TENM1: variants seen among roughly 807,000 people sequenced by gnomAD.
The protein encoded by TENM1 is teneurin transmembrane protein 1, also known as teneurin-1.
In TENM1, 35 loss-of-function variants were observed where a neutral mutation model predicts 174.8. That is an observed-to-expected ratio of 0.20 (90% CI 0.15 to 0.27). TENM1 has a LOEUF of 0.27. Among genes scored for constraint, TENM1 ranks in the 10% least tolerant of loss-of-function variants. The pLI is 1.00. For missense variants in TENM1, 1,633 were observed against 2,130.1 expected (o/e 0.77, Z 4.59); for synonymous variants, 781 against 798.7 (o/e 0.98, Z 0.37).
At chrX:124,430,714 T>C (rs761041175) in intron 23 of TENM1, among the ~76,000 whole-genome samples, 55 of 112,051 alleles carry the variant, frequency 4.9e-4, no homozygotes, top group South Asian at 7.5e-4. Context: ...CACCAGTCAT[T>C]TCCTCCTTGT....
intron 3 of TENM1, among the ~76,000 whole-genome samples, chrX:124,746,169 GT>G (rs1237781778): frequency 1.8e-5 from 2 of 111,847 alleles, no homozygotes; most frequent in African/African-American, 3.2e-5. Flanking sequence ...AAAATTTAAA[GT>G]TTGAATTCAA....
At chrX:124,811,683 A>C (rs1203123438) in intron 3 of TENM1, among the ~76,000 whole-genome samples, 2 of 110,432 alleles carry the variant, frequency 1.8e-5, no homozygotes, top group Non-Finnish European at 3.8e-5. Flanking sequence ...CAAGGGAAAT[A>C]AAATCAGTAT....
At chrX:124,527,814 A>AC (rs1280660030) in intron 16 of TENM1, among the ~76,000 whole-genome samples, 1 of 86,705 alleles carries the variant, frequency 1.2e-5, no homozygotes, top group Admixed American at 1.3e-4. Context: ...ACGCCCAGCT[A>AC]TTTTTTTTTT....
chrX:125,112,564 A>G, the TENM1 span, among the ~76,000 whole-genome samples: 3 of 111,554 alleles, frequency 2.7e-5, no homozygotes, highest in Admixed American at 2.9e-4. Context: ...TAAAAAGCTT[A>G]GAAAAAAAGA....
At chrX:124,483,167 C>T (rs887770711) in intron 21 of TENM1, among the ~76,000 whole-genome samples, 1 of 111,623 alleles carries the variant, frequency 9.0e-6, no homozygotes, top group African/African-American at 3.3e-5. Context: ...GTTAGCCAAG[C>T]CTTTCTTCTC....
At chrX:125,166,036 C>T in the TENM1 span, among the ~76,000 whole-genome samples, 3 of 111,182 alleles carry the variant, frequency 2.7e-5, no homozygotes, top group Non-Finnish European at 5.7e-5. Flanking sequence ...TTTTTACACC[C>T]TACTCGTTAG....
At chrX:124,395,258 A>G (rs1455220708) in intron 27 of TENM1, among the ~76,000 whole-genome samples, 1 of 111,588 alleles carries the variant, frequency 9.0e-6, no homozygotes, top group Non-Finnish European at 1.9e-5. Context: ...AACACTTTTT[A>G]ACATCTATTG....
At chrX:125,179,609 A>G in the TENM1 span, among the ~76,000 whole-genome samples, 21 of 111,312 alleles carry the variant, frequency 1.9e-4, no homozygotes, top group African/African-American at 6.9e-4. Context: ...CCCATATCTA[A>G]TAAGTGACCC....
At chrX:124,791,222 AT>A (rs2055172204) in intron 3 of TENM1, among the ~76,000 whole-genome samples, 1 of 111,983 alleles carries the variant, frequency 8.9e-6, no homozygotes, top group Non-Finnish European at 1.9e-5. Flanking sequence ...TATGCATTCT[AT>A]TTATAACGAT....
At chrX:124,536,405 G>T (rs2048207393) in intron 15 of TENM1, among the ~76,000 whole-genome samples, 1 of 111,657 alleles carries the variant, frequency 9.0e-6, no homozygotes, top group Admixed American at 9.5e-5. Context: ...ATTAAAAGCA[G>T]CTGGGAGCAT....
At chrX:124,680,823 T>C (rs1458441734) in intron 5 of TENM1, among the ~76,000 whole-genome samples, 1 of 111,001 alleles carries the variant, frequency 9.0e-6, no homozygotes, top group Non-Finnish European at 1.9e-5. Flanking sequence ...TCACTGCCAA[T>C]CACTTCTTCA....
chrX:125,038,564 TTC>T, the TENM1 span, among the ~76,000 whole-genome samples: 2 of 111,391 alleles, frequency 1.8e-5, no homozygotes, highest in Non-Finnish European at 1.9e-5. Flanking sequence ...TACTATAATT[TTC>T]TCTGAGGACC....
chrX:125,052,794 C>T, the TENM1 span, among the ~76,000 whole-genome samples: 2 of 112,357 alleles, frequency 1.8e-5, no homozygotes, highest in East Asian at 2.8e-4. Flanking sequence ...ACAAATGTTC[C>T]GGGCTTCGCC....
At chrX:124,572,548 G>C (rs776815594) in intron 11 of TENM1, among the ~76,000 whole-genome samples, 9 of 110,935 alleles carry the variant, frequency 8.1e-5, no homozygotes, top group Admixed American at 2.9e-4. Context: ...ATTAACTACA[G>C]CTTCTAACTC....
chrX:124,471,753 ATATATAC>A (rs2061336645), intron 22 of TENM1, among the ~76,000 whole-genome samples: 1 of 95,569 alleles, frequency 1.0e-5, no homozygotes, highest in Non-Finnish European at 2.0e-5. Context: ...GTAATATATA[ATATATAC>A]TTATATAATA....
chrX:124,963,740 TC>T lies in TENM1; in HGVS notation c.13del (p.Asp5ThrfsTer17). On this transcript the variant is annotated frameshift_variant, in exon 1 of 32. Transcript: ENST00000422452. LOFTEE classifies it high-confidence loss of function. ...TGGTAGAGGCTGGTAGGGTTTGCAGTCAGTTTGCTCCATCTCTGATTAAGCA... is the reference window on the plus strand; with the variant it reads ...TGGTAGAGGCTGGTAGGGTTTGCAGTAGTTTGCTCCATCTCTGATTAAGCA... 1 of 1,210,387 alleles carries T rather than the reference TC, an allele frequency of 8.3e-7. No individual in the cohort carries two copies.
chrX:124,842,814 G>A (rs957544688), intron 3 of TENM1, among the ~76,000 whole-genome samples: 1 of 110,637 alleles, frequency 9.0e-6, no homozygotes, highest in Non-Finnish European at 1.9e-5. Context: ...GTTTTGGGAG[G>A]GACATAATTT....
the TENM1 span, among the ~76,000 whole-genome samples, chrX:125,110,875 T>C: frequency 8.9e-6 from 1 of 111,888 alleles, no homozygotes; most frequent in African/African-American, 3.2e-5. Context: ...AAAAGCTGTG[T>C]GTCTGCTTTA....
At chrX:125,050,737 A>G in the TENM1 span, among the ~76,000 whole-genome samples, 18 of 111,479 alleles carry the variant, frequency 1.6e-4, no homozygotes, top group Non-Finnish European at 3.2e-4. Context: ...GAATCACCAC[A>G]GTGACTTCCA....
Sources: gnomAD v4.1 joint callset for allele counts (sites outside exome capture counted in the v4.1 genomes callset) on GRCh38, gnomAD v4.1.1 for gene constraint, MANE v1.5 for transcripts, NCBI Gene and HGNC (gene_info 2026-07-23, HGNC 2026-07-21) for gene names.